SORCS1: variants seen among roughly 807,000 people sequenced by gnomAD.
SORCS1 encodes VPS10 domain-containing receptor SorCS1.
In SORCS1, 60 loss-of-function variants were observed where a neutral mutation model predicts 146.1. The observed-to-expected ratio is 0.41, with a 90% CI of 0.33 to 0.51. The LOEUF is 0.51. Ranked by LOEUF, SORCS1 falls within the 20% of genes least tolerant of loss-of-function variation. SORCS1 has a pLI of 0.21. For missense variants in SORCS1, 1,352 were observed against 1,487.6 expected (o/e 0.91, Z 1.50); for synonymous variants, 637 against 584.0 (o/e 1.09, Z -1.31).
chr10:106,793,282 C>T (rs1286439394), intron 3 of SORCS1, among the ~76,000 whole-genome samples: 2 of 152,030 alleles, frequency 1.3e-5, no homozygotes, highest in Non-Finnish European at 2.9e-5. Flanking sequence ...AGGAAAGATT[C>T]GTGACAGGGG....
chr10:106,886,576 C>T (rs1200536805), intron 2 of SORCS1, among the ~76,000 whole-genome samples: 3 of 152,132 alleles, frequency 2.0e-5, no homozygotes, highest in Non-Finnish European at 2.9e-5. Flanking sequence ...CAGCTCATTG[C>T]AACTCAACCT....
intron 5 of SORCS1, 66 bp downstream of exon 5, chr10:106,761,522 G>C: frequency 7.3e-7 from 1 of 1,376,164 alleles, no homozygotes; most frequent in Non-Finnish European, 1.0e-6. Context: ...GATTCCAATG[G>C]GCATTTACTA....
At chr10:106,759,325 G>T (rs1282332400) in intron 5 of SORCS1, among the ~76,000 whole-genome samples, 1 of 152,130 alleles carries the variant, frequency 6.6e-6, no homozygotes, top group Non-Finnish European at 1.5e-5. Context: ...CACTGTCACA[G>T]TGATTCTAAA....
At chr10:106,886,264 AAAC>A (rs778803742) in intron 2 of SORCS1, among the ~76,000 whole-genome samples, 23 of 152,052 alleles carry the variant, frequency 1.5e-4, no homozygotes, top group Admixed American at 4.6e-4. Flanking sequence ...CTCTGTTTCA[AAAC>A]AACAACAACA....
intron 5 of SORCS1, among the ~76,000 whole-genome samples, chr10:106,731,274 C>T (rs981657808): frequency 6.7e-5 from 8 of 118,788 alleles, no homozygotes; most frequent in African/African-American, 2.7e-4. Flanking sequence ...GCCTGGGTGA[C>T]GGAGTGAGAC....
At chr10:107,139,833 C>T (rs1470669973) in intron 1 of SORCS1, among the ~76,000 whole-genome samples, 1 of 152,320 alleles carries the variant, frequency 6.6e-6, no homozygotes, top group East Asian at 1.9e-4. Context: ...CAGCTCCATG[C>T]ACCTGGCCAA....
chr10:106,665,388 CTTTTT>C (rs35223659), intron 17 of SORCS1, among the ~76,000 whole-genome samples: 1 of 134,988 alleles, frequency 7.4e-6, no homozygotes, highest in Non-Finnish European at 1.6e-5. Context: ...TTCTCTCTCT[CTTTTT>C]TTTTTTTTTT....
At chr10:107,102,490 G>A (rs901396632) in intron 1 of SORCS1, among the ~76,000 whole-genome samples, 3 of 152,124 alleles carry the variant, frequency 2.0e-5, no homozygotes, top group Admixed American at 2.0e-4. Flanking sequence ...GTCAGTGGCT[G>A]GCATTTTTAA....
intron 23 of SORCS1, among the ~76,000 whole-genome samples, chr10:106,605,338 C>T (rs1313570617): frequency 6.6e-6 from 1 of 152,084 alleles, no homozygotes; most frequent in Non-Finnish European, 1.5e-5. Context: ...CCAAATTTCC[C>T]CTCAAATAAT....
rs1589574099 is a variant in SORCS1 at position 106,860,658 on chromosome 10, A to C, written c.627-30985T>G. ...CAGGCAGTTAGGCTCCAAAGTCAGC[A>C]TGCTTAATACAGAGATATGGTGAAT... On this transcript the variant is annotated intron_variant, in intron 2 of 25. Transcript: ENST00000263054. Among the ~76,000 whole-genome samples, 3 of 152,330 alleles carry C rather than the reference A, an allele frequency of 2.0e-5. No homozygotes were observed. In the Middle Eastern group the frequency reaches 0.01, roughly 518 times the overall value.
chr10:106,626,074 G>GTTC (rs1848090550), intron 19 of SORCS1, among the ~76,000 whole-genome samples: 1 of 152,098 alleles, frequency 6.6e-6, no homozygotes, highest in African/African-American at 2.4e-5. Flanking sequence ...TGTTTCAGAT[G>GTTC]ACCTTTGCAA....
chr10:106,643,552 C>T (rs1849210614), intron 18 of SORCS1, among the ~76,000 whole-genome samples: 4 of 152,260 alleles, frequency 2.6e-5, no homozygotes, highest in Admixed American at 1.3e-4. Context: ...GCTTGGTGCT[C>T]TGCACCAGGA....
intron 18 of SORCS1, among the ~76,000 whole-genome samples, chr10:106,642,446 A>T (rs7905341): frequency 0.23 from 34,734 of 152,010 alleles, 4,923 homozygotes; most frequent in East Asian, 0.52. Flanking sequence ...CTGTTTTTAT[A>T]AAGAATTGAT....
At chr10:107,003,907 G>A (rs1253913288) in intron 1 of SORCS1, among the ~76,000 whole-genome samples, 1 of 152,084 alleles carries the variant, frequency 6.6e-6, no homozygotes, top group Non-Finnish European at 1.5e-5. Flanking sequence ...TGGGTGCGGT[G>A]GCTCATGCCT....
intron 3 of SORCS1, among the ~76,000 whole-genome samples, chr10:106,780,025 A>T (rs1860770134): frequency 6.6e-6 from 1 of 152,198 alleles, no homozygotes; most frequent in Non-Finnish European, 1.5e-5. Flanking sequence ...TGTTTGTCCT[A>T]CCATTTTATC....
intron 1 of SORCS1, among the ~76,000 whole-genome samples, chr10:107,093,676 C>T (rs1964358573): frequency 1.1e-5 from 1 of 92,216 alleles, no homozygotes; most frequent in South Asian, 3.1e-4. Flanking sequence ...GAGACTCAGT[C>T]TCAAAAAAAA....
intron 1 of SORCS1, among the ~76,000 whole-genome samples, chr10:107,147,492 T>C (rs913563421): frequency 4.0e-5 from 6 of 151,736 alleles, no homozygotes; most frequent in African/African-American, 1.2e-4. Context: ...CTACGCTTCT[T>C]TCTCTCTCTC....
chr10:106,902,420 A>G (rs1379366675), intron 2 of SORCS1, among the ~76,000 whole-genome samples: 1 of 152,212 alleles, frequency 6.6e-6, no homozygotes, highest in Non-Finnish European at 1.5e-5. Context: ...CATTAAGACA[A>G]GAAAAAGAAA....
intron 1 of SORCS1, among the ~76,000 whole-genome samples, chr10:106,982,246 T>C (rs1340225026): frequency 6.6e-6 from 1 of 152,208 alleles, no homozygotes; most frequent in South Asian, 2.1e-4. Flanking sequence ...TTGATGCCTA[T>C]GATTTTCACT....
Sources: allele counts gnomAD v4.1 joint callset (sites outside exome capture counted in the v4.1 genomes callset), GRCh38; gene constraint gnomAD v4.1.1; transcripts MANE v1.5; gene names NCBI Gene and HGNC (gene_info 2026-07-23, HGNC 2026-07-21).